Variants in PTPRD observed in about 807,000 individuals in gnomAD.
PTPRD encodes receptor-type tyrosine-protein phosphatase delta.
Under a neutral mutation model 214.5 loss-of-function variants are expected in PTPRD, and 34 were observed. That is an observed-to-expected ratio of 0.16 (90% CI 0.12 to 0.21). The LOEUF (loss-of-function observed/expected upper bound fraction) is 0.21. Among genes scored for constraint, PTPRD ranks in the 10% least tolerant of loss-of-function variants. PTPRD has a pLI of 1.00. For missense variants in PTPRD, 2,545 were observed against 2,398.7 expected (o/e 1.06, Z -1.27); for synonymous variants, 1,128 against 845.7 (o/e 1.33, Z -5.79).
At position 9,672,352 on chromosome 9, in the gene PTPRD, A is replaced by G. The variant is rs951619274; in HGVS notation, c.-287+62181T>C. On this transcript the variant is annotated intron_variant, in intron 7 of 45. Coordinates refer to ENST00000381196, the MANE Select transcript of PTPRD (RefSeq NM_002839.4). ...TTACCTATATAGCAGAATGGCTATAATGATATTATTATCTACATTTAGGTA... is the reference window on the plus strand; with the variant it reads ...TTACCTATATAGCAGAATGGCTATAGTGATATTATTATCTACATTTAGGTA... Among the ~76,000 whole-genome samples, 64 of 152,154 alleles carry G rather than the reference A, an allele frequency of 4.2e-4. 2 individuals are homozygous for G. Among genetic ancestry groups the G allele is most frequent in the Non-Finnish European group, 2.9e-5 (2 of 68,006 alleles).
Position 8,513,666 on chromosome 9 carries a change from C to T in PTPRD, c.1543+4182G>A, listed in dbSNP as rs562731968. On this transcript the variant is annotated intron_variant, in intron 21 of 45. Coordinates refer to ENST00000381196, the MANE Select transcript of PTPRD (RefSeq NM_002839.4). ...AAATTTTATATCTCATAATGGTTAT[C>T]GTCCTAGCAATCATCCTAAGAATTC... 1.1e-4 allele frequency among the ~76,000 whole-genome samples: 16 copies of T among 152,066 alleles called. No homozygotes were observed. In the South Asian group the frequency reaches 1.5e-3, roughly 14 times the overall value.
At chr9:8,591,952 A>T (rs371544252) in intron 14 of PTPRD, among the ~76,000 whole-genome samples, 1 of 152,150 alleles carries the variant, frequency 6.6e-6, no homozygotes, top group East Asian at 1.9e-4. Context: ...ACAGAGAAAA[A>T]ATAAATTTGG....
chr9:10,000,493 C>T (rs561639034), intron 4 of PTPRD, among the ~76,000 whole-genome samples: 2 of 152,228 alleles, frequency 1.3e-5, no homozygotes, highest in East Asian at 1.9e-4. Flanking sequence ...CCCGACATGA[C>T]GCCCCTTTTC....
intron 9 of PTPRD, among the ~76,000 whole-genome samples, chr9:9,377,023 A>G (rs1166610770): frequency 6.6e-6 from 1 of 152,094 alleles, no homozygotes; most frequent in African/African-American, 2.4e-5. Flanking sequence ...GAAATTTTTA[A>G]AAAGCATCAT....
At position 8,319,986 on chromosome 9, in the gene PTPRD, G is replaced by A. The variant is rs771772538; in HGVS notation, c.5535-20C>T. 7 of 1,609,364 alleles carry A rather than the reference G, an allele frequency of 4.3e-6. No homozygotes were observed. The highest frequency in any genetic ancestry group is 1.7e-4 in the Middle Eastern group (1 of 6,022). ...CCCGCGCTGCCACAATAACAAAGGC[G>A]ATGTTACTGGGTGAGATGTTCACAG... On this transcript the variant is annotated intron_variant, in intron 44 of 45. Transcript: ENST00000381196.
chr9:9,488,465 T>C (rs1448354969), intron 8 of PTPRD, among the ~76,000 whole-genome samples: 1 of 152,168 alleles, frequency 6.6e-6, no homozygotes, highest in Non-Finnish European at 1.5e-5. Flanking sequence ...AGAATAGTGT[T>C]TCTGCTCTCA....
At chr9:8,969,925 G>C (rs550585042) in intron 11 of PTPRD, among the ~76,000 whole-genome samples, 1 of 151,916 alleles carries the variant, frequency 6.6e-6, no homozygotes, top group Admixed American at 6.6e-5. Flanking sequence ...ATTTTGATTA[G>C]TGTCATCATA....
Position 9,947,304 on chromosome 9 carries a change from T to TA in PTPRD, c.-471-8695_-471-8694insT, listed in dbSNP as rs1566613791. Among the ~76,000 whole-genome samples the TA allele has an allele frequency of 3.7e-5, 3 of 80,410 alleles. No homozygotes were observed. In the Admixed American group the frequency reaches 7.1e-4, roughly 19 times the overall value. 52.8% of individuals were successfully genotyped at this position (80,410 alleles called of 152,430 possible). A position where few individuals can be genotyped will look rare whatever the true frequency, so the allele number is the denominator to read the frequency against. ...TGTGCTCTGGAGATTATATATATAT[T>TA]TTATATATATATTATATATATTATA... On this transcript the variant is annotated intron_variant, in intron 4 of 45. Coordinates refer to ENST00000381196, the MANE Select transcript of PTPRD (RefSeq NM_002839.4).
Position 8,448,325 on chromosome 9 carries a change from C to A in PTPRD, c.3988+1400G>T, listed in dbSNP as rs548964919. Among the ~76,000 whole-genome samples, 14 of 152,176 alleles carry A rather than the reference C, an allele frequency of 9.2e-5. No individual in the cohort carries two copies. In the East Asian group the frequency reaches 2.3e-3, roughly 25 times the overall value. On this transcript the variant is annotated intron_variant, in intron 34 of 45. Coordinates refer to ENST00000381196, the MANE Select transcript of PTPRD (RefSeq NM_002839.4). ...CCTGGACAATCGAGTGAGACTCTGTCTCAAAAAACCCATCAATCAAACAAA... is the reference window on the plus strand; with the variant it reads ...CCTGGACAATCGAGTGAGACTCTGTATCAAAAAACCCATCAATCAAACAAA...
chr9:10,410,285 A>T (rs564095213), intron 2 of PTPRD, among the ~76,000 whole-genome samples: 75 of 141,344 alleles, frequency 5.3e-4, no homozygotes, highest in Admixed American at 1.9e-3. Context: ...ACACACACAC[A>T]ATATATAATA....
intron 11 of PTPRD, among the ~76,000 whole-genome samples, chr9:8,761,866 T>C (rs1401626365): frequency 1.3e-5 from 2 of 152,180 alleles, no homozygotes; most frequent in African/African-American, 2.4e-5. Flanking sequence ...TAAATATATT[T>C]GCAAAGTGGC....
At chr9:8,949,192 C>G (rs2099088674) in intron 11 of PTPRD, among the ~76,000 whole-genome samples, 1 of 148,512 alleles carries the variant, frequency 6.7e-6, no homozygotes, top group South Asian at 2.1e-4. Context: ...CCATTGCACT[C>G]CAGCCTGGGC....
At chr9:9,442,896 G>A (rs974724924) in intron 8 of PTPRD, among the ~76,000 whole-genome samples, 3 of 152,080 alleles carry the variant, frequency 2.0e-5, no homozygotes, top group Non-Finnish European at 4.4e-5. Context: ...CCATTGTGGT[G>A]TGCATCTGTA....
chr9:9,835,701 T>G (rs974934852), intron 5 of PTPRD, among the ~76,000 whole-genome samples: 2 of 152,082 alleles, frequency 1.3e-5, no homozygotes, highest in African/African-American at 4.8e-5. Context: ...AAAGTAAGTA[T>G]TTCCTGATCT....
intron 44 of PTPRD, among the ~76,000 whole-genome samples, chr9:8,323,604 G>A (rs1173921888): frequency 2.9e-5 from 4 of 137,264 alleles, no homozygotes; most frequent in Non-Finnish European, 4.5e-5. Context: ...CAAAAATGGT[G>A]GAATAGCAAG....
chr9:9,470,272 A>T (rs1051800921), intron 8 of PTPRD, among the ~76,000 whole-genome samples: 3 of 152,096 alleles, frequency 2.0e-5, no homozygotes, highest in Non-Finnish European at 4.4e-5. Context: ...GATGTTTCTC[A>T]TATTCACATT....
At position 9,448,658 on chromosome 9, in the gene PTPRD, C is replaced by G. The variant is rs146406264; in HGVS notation, c.-236-51176G>C. Among the ~76,000 whole-genome samples the G allele has an allele frequency of 1.5e-3, 230 of 152,076 alleles. 1 individual carries two copies. Among genetic ancestry groups the G allele is most frequent in the African/African-American group, 5.2e-3 (217 of 41,484 alleles). On this transcript the variant is annotated intron_variant, in intron 8 of 45. Coordinates refer to ENST00000381196, the MANE Select transcript of PTPRD (RefSeq NM_002839.4). ...TGGATGCCCTGCTCTAAGAGTTACA[C>G]ACATAATAGGGAAGAAAACAGGTCA...
intron 27 of PTPRD, among the ~76,000 whole-genome samples, chr9:8,489,881 C>T (rs907037631): frequency 6.6e-6 from 1 of 152,192 alleles, no homozygotes; most frequent in Non-Finnish European, 1.5e-5. Flanking sequence ...TGTGCAAATA[C>T]TTGTACACTG....
intron 14 of PTPRD, among the ~76,000 whole-genome samples, chr9:8,559,127 G>A (rs1308946386): frequency 2.0e-5 from 3 of 152,040 alleles, no homozygotes; most frequent in South Asian, 4.1e-4. Context: ...TCCCAGAAAA[G>A]AAAAAATTAA....
Sources: gnomAD v4.1 joint callset for allele counts (sites outside exome capture counted in the v4.1 genomes callset) on GRCh38, gnomAD v4.1.1 for gene constraint, MANE v1.5 for transcripts, NCBI Gene and HGNC (gene_info 2026-07-23, HGNC 2026-07-21) for gene names.